DRC3: variants seen among roughly 807,000 people sequenced by gnomAD.
The protein encoded by DRC3 is leucine rich repeat containing 48.
A neutral mutation model predicts 57.6 loss-of-function variants in DRC3; 45 were observed. That is an observed-to-expected ratio of 0.78 (90% CI 0.62 to 1.00). The LOEUF (loss-of-function observed/expected upper bound fraction) is 1.00. DRC3 is among the 50% of genes least tolerant of loss of function. The probability of loss-of-function intolerance (pLI) is 0.00; values close to 1 mark genes in which losing one functional copy is unlikely to be tolerated. For missense variants in DRC3, 655 were observed against 675.2 expected (o/e 0.97, Z 0.33); for synonymous variants, 257 against 272.3 (o/e 0.94, Z 0.55).
chr17:18,003,433 G>A (rs1231533956), intron 9 of DRC3, among the ~76,000 whole-genome samples: 2 of 127,632 alleles, frequency 1.6e-5, no homozygotes, highest in African/African-American at 5.8e-5. Context: ...TGCAGTGACC[G>A]AGATCGTACC....
intron 12 of DRC3, chr17:18,007,416 A>G: frequency 6.4e-7 from 1 of 1,551,552 alleles, no homozygotes; most frequent in Non-Finnish European, 8.7e-7. Context: ...CCAAAAGTTC[A>G]ATTATGTGGA....
At chr17:17,987,214 C>CAA (rs1046062123) in intron 4 of DRC3, among the ~76,000 whole-genome samples, 3,123 of 44,218 alleles carry the variant, frequency 0.071, 235 homozygotes, top group African/African-American at 0.15. Flanking sequence ...GACCCTGTCT[C>CAA]AAAAAAAAAA....
At chr17:18,000,192 C>CTG (rs1491126209) in intron 9 of DRC3, among the ~76,000 whole-genome samples, 2,022 of 50,938 alleles carry the variant, frequency 0.04, 81 homozygotes, top group African/African-American at 0.15. Flanking sequence ...CTTTGCTTTC[C>CTG]TCTGTGTGTG....
At chr17:17,994,182 C>G in intron 6 of DRC3, 117 bp from the exon 7 acceptor site, 3 of 1,364,948 alleles carry the variant, frequency 2.2e-6, no homozygotes, top group Non-Finnish European at 3.0e-6. Context: ...CATGCAGGCC[C>G]CTGTGCAACA....
chr17:17,988,149 G>T, intron 5 of DRC3, 51 bp downstream of exon 5: 18 of 1,566,618 alleles, frequency 1.1e-5, no homozygotes, highest in Non-Finnish European at 1.6e-5. Context: ...GCCTTGGAGC[G>T]CCGTGGGTTG....
At chr17:18,014,755 C>T (rs867059944) in intron 12 of DRC3, among the ~76,000 whole-genome samples, 9 of 152,186 alleles carry the variant, frequency 5.9e-5, no homozygotes, top group Admixed American at 1.3e-4. Context: ...TTGTAGTTAT[C>T]TCTAAAATAA....
At position 18,016,144 on chromosome 17, in the gene DRC3, A is replaced by G; in HGVS notation, c.1407A>G (p.Glu469=). The G allele has an allele frequency of 1.9e-6, 3 of 1,614,050 alleles. No homozygotes were observed. Among genetic ancestry groups the G allele is most frequent in the Non-Finnish European group, 1.7e-6 (2 of 1,179,884 alleles). The change falls in exon 13 of 14, where the codon GAA becomes GAG. Residue 469 remains glutamate, a synonymous_variant. Transcript: ENST00000399187. Reference sequence around the variant, plus strand: ...ACCTCCTGAAGATTGACAATCGAGAAGATGAGCTGGTGACCAGAATCAACT... The same window carrying G: ...ACCTCCTGAAGATTGACAATCGAGAGGATGAGCTGGTGACCAGAATCAACT... ...DIHLLKIDNR[E]DELVTRINSW...
chr17:18,009,523 C>T (rs1012253046), intron 12 of DRC3, among the ~76,000 whole-genome samples: 11 of 152,298 alleles, frequency 7.2e-5, no homozygotes, highest in African/African-American at 1.9e-4. Flanking sequence ...CACATCAACA[C>T]GGAAAAGTAG....
intron 3 of DRC3, among the ~76,000 whole-genome samples, chr17:17,981,970 G>A (rs549498698): frequency 6.6e-6 from 1 of 151,748 alleles, no homozygotes; most frequent in South Asian, 2.1e-4. Flanking sequence ...TTACAGGTGT[G>A]TGCCACCATG....
chr17:17,994,246 G>T (rs956707988), intron 6 of DRC3, 53 bp from the exon 7 acceptor site: 3 of 1,540,306 alleles, frequency 1.9e-6, no homozygotes, highest in East Asian at 2.5e-5. Flanking sequence ...TGGCAGAGGC[G>T]GTGTGGCTCG....
At chr17:18,006,027 C>G (rs761200981) in intron 10 of DRC3, 156 bp from the exon 11 acceptor site, 1 of 632,236 alleles carries the variant, frequency 1.6e-6, no homozygotes, top group African/African-American at 1.8e-5. Flanking sequence ...GCAGAGGGGT[C>G]AGTTCACAAC....
intron 5 of DRC3, chr17:17,989,468 G>A (rs184175086): frequency 1.5e-4 from 23 of 152,468 alleles, no homozygotes; most frequent in African/African-American, 5.5e-4. Context: ...GGTTACCCCA[G>A]GACAGTGTGA....
intron 4 of DRC3, among the ~76,000 whole-genome samples, chr17:17,986,824 G>A (rs529070660): frequency 6.6e-6 from 1 of 152,200 alleles, no homozygotes; most frequent in South Asian, 2.1e-4. Context: ...CCAAGCCCAG[G>A]AAAAATGCTC....
intron 12 of DRC3, chr17:18,015,579 A>C (rs2044329711): frequency 6.5e-6 from 1 of 154,124 alleles, no homozygotes. Context: ...TTTTGTTGAC[A>C]TGAGTGGCAG....
At chr17:18,006,888 T>C (rs1010096406) in intron 11 of DRC3, 136 bp from the exon 12 acceptor site, 3 of 1,390,872 alleles carry the variant, frequency 2.2e-6, no homozygotes, top group Non-Finnish European at 2.9e-6. Context: ...GGTTCGGAGC[T>C]TGTGAGTGGA....
At position 17,983,889 on chromosome 17, in the gene DRC3, T is replaced by C. The variant is rs775694426; in HGVS notation, c.222T>C (p.Asn74=). 1 of 1,613,552 alleles carries C rather than the reference T, an allele frequency of 6.2e-7. No individual in the cohort carries two copies. Among genetic ancestry groups the C allele is most frequent in the East Asian group, 2.2e-5 (1 of 44,878 alleles). ...ACTTGAGGAAGCTGCAGCTGGACAA[T>C]AACATCATTGAGAAGATCGAGGGCC... ...FENLRKLQLD[N]NIIEKIEGLE... The change falls in exon 4 of 14, where the codon AAT becomes AAC. Residue 74 remains asparagine, a synonymous_variant. Coordinates refer to ENST00000399187, the MANE Select transcript of DRC3 (RefSeq NM_031294.4).
intron 11 of DRC3, chr17:18,006,761 A>C: frequency 4.4e-6 from 2 of 455,568 alleles, no homozygotes; most frequent in Non-Finnish European, 8.1e-6. Context: ...ACAGGGTGAG[A>C]AGCAGTTAAC....
Position 18,007,148 on chromosome 17 carries a change from G to C in DRC3, c.1326+1G>C. On this transcript the variant is annotated splice_donor_variant, in intron 12 of 13. Transcript: ENST00000399187. LOFTEE classifies it high-confidence loss of function. ...GGACCTGCCTAACGACCTGCGCGCG[G>C]TAGGCGGGGCGGGCTGCTCGGAGCC... is the stretch of plus-strand genomic sequence containing the variant. The C allele has an allele frequency of 9.0e-7, 1 of 1,108,356 alleles. No homozygotes were observed. Among genetic ancestry groups the C allele is most frequent in the South Asian group, 1.4e-5 (1 of 71,570 alleles). The allele number at this position is 1,108,356 out of a possible 1,614,324, so 68.7% of individuals were successfully genotyped here.
chr17:18,006,866 A>G (rs2043971886), intron 11 of DRC3, 158 bp from the exon 12 acceptor site: 2 of 1,153,704 alleles, frequency 1.7e-6, no homozygotes. Flanking sequence ...CAGGGAGTCG[A>G]GGAAGGCCCA....
Sources: allele counts gnomAD v4.1 joint callset (sites outside exome capture counted in the v4.1 genomes callset), GRCh38; gene constraint gnomAD v4.1.1; transcripts MANE v1.5; gene names NCBI Gene and HGNC (gene_info 2026-07-23, HGNC 2026-07-21).